LDLRAD3: variants seen among roughly 807,000 people sequenced by gnomAD.
LDLRAD3 encodes low density lipoprotein receptor class A domain containing 3, also known as low-density lipoprotein receptor class A domain-containing protein 3.
In LDLRAD3, 20 loss-of-function variants were observed where a neutral mutation model predicts 29.4. The observed-to-expected ratio is 0.68, with a 90% CI of 0.48 to 0.99. LDLRAD3 has a LOEUF of 0.99. LDLRAD3 is among the 50% of genes least tolerant of loss of function. LDLRAD3 has a pLI of 0.00. For synonymous variants in LDLRAD3, 157 were observed against 192.7 expected (o/e 0.81, Z 1.53); for missense variants, 420 against 454.3 (o/e 0.92, Z 0.69).
At chr11:35,968,025 A>G in intron 1 of LDLRAD3, 1 of 457,124 alleles carries the variant, frequency 2.2e-6, no homozygotes, top group South Asian at 1.6e-5. Context: ...GCACTTGTAG[A>G]CTGTACCAAA....
intron 4 of LDLRAD3, among the ~76,000 whole-genome samples, chr11:36,217,973 T>A (rs1222690403): frequency 6.6e-6 from 1 of 152,182 alleles, no homozygotes; most frequent in Non-Finnish European, 1.5e-5. Context: ...AGACCCTTTT[T>A]CCAAATAAGG....
chr11:36,004,720 C>T (rs745776358), intron 1 of LDLRAD3, among the ~76,000 whole-genome samples: 1 of 152,228 alleles, frequency 6.6e-6, no homozygotes, highest in Non-Finnish European at 1.5e-5. Flanking sequence ...GGCTCTGCCC[C>T]TGCAGCAGAC....
At chr11:36,078,377 C>T (rs1431706073) in intron 2 of LDLRAD3, among the ~76,000 whole-genome samples, 2 of 152,204 alleles carry the variant, frequency 1.3e-5, no homozygotes, top group African/African-American at 2.4e-5. Flanking sequence ...GTCTTCAGCA[C>T]CCCCTTGGTC....
chr11:36,113,889 G>T (rs1401430293), intron 4 of LDLRAD3, among the ~76,000 whole-genome samples: 2 of 152,086 alleles, frequency 1.3e-5, no homozygotes, highest in African/African-American at 2.4e-5. Context: ...GGCCAGGCCG[G>T]TCTCAAACTC....
chr11:36,087,009 A>C (rs778650122), intron 3 of LDLRAD3, among the ~76,000 whole-genome samples: 1 of 152,308 alleles, frequency 6.6e-6, no homozygotes, highest in African/African-American at 2.4e-5. Flanking sequence ...GAGCCTCTAA[A>C]TCTAACCATT....
At chr11:35,995,595 G>C (rs183179287) in intron 1 of LDLRAD3, among the ~76,000 whole-genome samples, 100 of 152,328 alleles carry the variant, frequency 6.6e-4, no homozygotes, top group Non-Finnish European at 1.1e-3. Context: ...TGTGAAATTT[G>C]AAGCCAGGCA....
At chr11:35,994,633 T>C (rs1016147967) in intron 1 of LDLRAD3, among the ~76,000 whole-genome samples, 3 of 152,218 alleles carry the variant, frequency 2.0e-5, no homozygotes, top group African/African-American at 7.2e-5. Context: ...ATCAATGGAC[T>C]CTTCCTTTCA....
At chr11:36,048,401 G>A (rs1199835319) in intron 2 of LDLRAD3, among the ~76,000 whole-genome samples, 1 of 152,154 alleles carries the variant, frequency 6.6e-6, no homozygotes, top group Non-Finnish European at 1.5e-5. Context: ...CCCTGCCCAG[G>A]AGGTGAGAAG....
chr11:36,173,366 G>A (rs1854626168), intron 4 of LDLRAD3, among the ~76,000 whole-genome samples: 1 of 123,878 alleles, frequency 8.1e-6, no homozygotes, highest in African/African-American at 3.2e-5. Flanking sequence ...GCCCAGGTGT[G>A]TGATATTCCC....
At chr11:36,168,502 T>C (rs1218105108) in intron 4 of LDLRAD3, among the ~76,000 whole-genome samples, 1,373 of 128,840 alleles carry the variant, frequency 0.011, 28 homozygotes, top group African/African-American at 0.038. Context: ...TTTCTTCTTT[T>C]TTTTTTTTTT....
intron 1 of LDLRAD3, among the ~76,000 whole-genome samples, chr11:36,017,054 A>T (rs1852032218): frequency 6.6e-6 from 1 of 152,266 alleles, no homozygotes; most frequent in Admixed American, 6.5e-5. Flanking sequence ...TAAAGAACTG[A>T]GGGTTCTGGG....
At chr11:36,121,768 C>T (rs987434064) in intron 4 of LDLRAD3, among the ~76,000 whole-genome samples, 3 of 152,200 alleles carry the variant, frequency 2.0e-5, no homozygotes, top group Non-Finnish European at 4.4e-5. Flanking sequence ...CCCAAAAGGT[C>T]GCCTCTAGTT....
At chr11:36,002,671 A>G (rs564798543) in intron 1 of LDLRAD3, among the ~76,000 whole-genome samples, 55 of 152,342 alleles carry the variant, frequency 3.6e-4, no homozygotes, top group Non-Finnish European at 6.5e-4. Flanking sequence ...AGTGAGTGTC[A>G]TCGAACTGGA....
chr11:35,957,795 C>CAAAA (rs1177748172), intron 1 of LDLRAD3, among the ~76,000 whole-genome samples: 3 of 79,244 alleles, frequency 3.8e-5, no homozygotes, highest in African/African-American at 8.9e-5. Flanking sequence ...GACCTTATCT[C>CAAAA]AAAAAAAAAA....
At chr11:36,033,525 C>T (rs942539955) in intron 1 of LDLRAD3, among the ~76,000 whole-genome samples, 1 of 152,212 alleles carries the variant, frequency 6.6e-6, no homozygotes, top group African/African-American at 2.4e-5. Context: ...GTTGCAGTGA[C>T]GTTTCCAGGG....
chr11:36,104,745 A>C (rs1420388653), intron 4 of LDLRAD3, among the ~76,000 whole-genome samples: 1 of 152,166 alleles, frequency 6.6e-6, no homozygotes, highest in Non-Finnish European at 1.5e-5. Flanking sequence ...TCTAGTCCGC[A>C]CAGGGAGCAG....
At chr11:36,187,825 G>C (rs1854875952) in intron 4 of LDLRAD3, among the ~76,000 whole-genome samples, 1 of 152,190 alleles carries the variant, frequency 6.6e-6, no homozygotes, top group Admixed American at 6.5e-5. Context: ...GATTACTGGA[G>C]ACAAGCCTCT....
chr11:35,983,100 C>A (rs1393884522), intron 1 of LDLRAD3, among the ~76,000 whole-genome samples: 1 of 152,126 alleles, frequency 6.6e-6, no homozygotes, highest in African/African-American at 2.4e-5. Flanking sequence ...GTGATCTACC[C>A]GCCTTGGCCT....
At chr11:36,063,481 C>T (rs945802947) in intron 2 of LDLRAD3, among the ~76,000 whole-genome samples, 1 of 152,194 alleles carries the variant, frequency 6.6e-6, no homozygotes, top group Non-Finnish European at 1.5e-5. Flanking sequence ...CTATTCTGGA[C>T]ATTTCATATA....
Sources: gnomAD v4.1 joint callset for allele counts (sites outside exome capture counted in the v4.1 genomes callset) on GRCh38, gnomAD v4.1.1 for gene constraint, MANE v1.5 for transcripts, NCBI Gene and HGNC (gene_info 2026-07-23, HGNC 2026-07-21) for gene names.